The following SMAP1 variants were observed in gnomAD, a reference collection of about 807,000 sequenced individuals.
The protein encoded by SMAP1 is small ArfGAP 1.
Under a neutral mutation model 58.5 loss-of-function variants are expected in SMAP1, and 24 were observed. The observed-to-expected ratio is 0.41, with a 90% confidence interval of 0.30 to 0.58. SMAP1 has a LOEUF of 0.58. Ranked by LOEUF, SMAP1 falls within the 20% of genes least tolerant of loss-of-function variation. SMAP1 has a pLI of 0.29. For missense variants in SMAP1, 563 were observed against 566.3 expected (o/e 0.99, Z 0.06); for synonymous variants, 216 against 196.6 (o/e 1.10, Z -0.82).
intron 5 of SMAP1, among the ~76,000 whole-genome samples, chr6:70,793,264 G>A (rs1010033011): frequency 1.3e-5 from 2 of 151,988 alleles, no homozygotes; most frequent in Non-Finnish European, 2.9e-5. Context: ...CGATCTCTTG[G>A]CCTTGTGATC....
intron 1 of SMAP1, among the ~76,000 whole-genome samples, chr6:70,675,646 A>G (rs1184730795): frequency 2.0e-5 from 3 of 148,624 alleles, no homozygotes; most frequent in Non-Finnish European, 3.0e-5. Context: ...GCGAGACTCC[A>G]TCTCAAAAAA....
chr6:70,716,558 T>G (rs540429801), intron 1 of SMAP1, among the ~76,000 whole-genome samples: 5 of 152,268 alleles, frequency 3.3e-5, no homozygotes, highest in Non-Finnish European at 7.4e-5. Context: ...TTACTCTTTT[T>G]CATTCTTTGT....
chr6:70,849,194 TCTTC>T (rs1261788982), intron 7 of SMAP1, among the ~76,000 whole-genome samples: 1 of 152,110 alleles, frequency 6.6e-6, no homozygotes. Flanking sequence ...TATGAAAAAG[TCTTC>T]CTTAATCAAT....
intron 1 of SMAP1, among the ~76,000 whole-genome samples, chr6:70,723,086 G>A (rs1480223985): frequency 6.6e-6 from 1 of 152,190 alleles, no homozygotes; most frequent in Non-Finnish European, 1.5e-5. Context: ...GGATGTAAAA[G>A]TGGCCCTTTA....
At chr6:70,668,252 C>T in intron 1 of SMAP1, 111 bp downstream of exon 1, 2 of 1,023,056 alleles carry the variant, frequency 2.0e-6, no homozygotes, top group South Asian at 1.6e-5. Context: ...CTGGCCGGCT[C>T]CTGCCCTGAC....
chr6:70,798,482 T>C (rs1382169452), intron 5 of SMAP1, among the ~76,000 whole-genome samples, 175 bp from the exon 6 acceptor site: 2 of 152,066 alleles, frequency 1.3e-5, no homozygotes, highest in Non-Finnish European at 2.9e-5. Context: ...GTCATCAGCA[T>C]ATAACCTCAA....
intron 4 of SMAP1, among the ~76,000 whole-genome samples, chr6:70,791,175 C>T (rs181461320): frequency 7.9e-5 from 12 of 152,178 alleles, no homozygotes; most frequent in African/African-American, 2.9e-4. Flanking sequence ...CTCTTCTTTT[C>T]TCCTAGCTTT....
At chr6:70,729,558 A>T (rs1301896081) in intron 1 of SMAP1, among the ~76,000 whole-genome samples, 2 of 150,258 alleles carry the variant, frequency 1.3e-5, no homozygotes, top group Admixed American at 1.3e-4. Context: ...AGACATTTTC[A>T]TCTTGGTGTA....
At chr6:70,716,673 T>G (rs549066553) in intron 1 of SMAP1, among the ~76,000 whole-genome samples, 9 of 152,232 alleles carry the variant, frequency 5.9e-5, no homozygotes, top group African/African-American at 2.2e-4. Flanking sequence ...CTTTTGACTT[T>G]TTGGTTCAGT....
At chr6:70,803,520 T>A in intron 6 of SMAP1, among the ~76,000 whole-genome samples, 1 of 152,192 alleles carries the variant, frequency 6.6e-6, no homozygotes, top group East Asian at 1.9e-4. Flanking sequence ...TCTTAGTTAT[T>A]TCTTGCCTTC....
chr6:70,795,179 A>C (rs1327753851), intron 5 of SMAP1, among the ~76,000 whole-genome samples: 1 of 152,178 alleles, frequency 6.6e-6, no homozygotes, highest in African/African-American at 2.4e-5. Context: ...AAAGAGTATC[A>C]AGTCATGCTC....
intron 7 of SMAP1, among the ~76,000 whole-genome samples, chr6:70,837,492 T>A (rs1770638924): frequency 6.6e-6 from 1 of 152,170 alleles, no homozygotes; most frequent in Admixed American, 6.5e-5. Flanking sequence ...CCAGATCTAG[T>A]GACTAGATTC....
intron 1 of SMAP1, among the ~76,000 whole-genome samples, chr6:70,696,359 G>C (rs533809924): frequency 1.0e-3 from 152 of 152,072 alleles, no homozygotes; most frequent in Middle Eastern, 3.4e-3. Context: ...GAAGTCTTCT[G>C]CTTTTTTAGT....
intron 1 of SMAP1, among the ~76,000 whole-genome samples, chr6:70,723,266 A>G (rs1201186471): frequency 5.9e-5 from 9 of 152,188 alleles, no homozygotes; most frequent in African/African-American, 1.9e-4. Context: ...AGCTGGGACT[A>G]TAGGCACATG....
chr6:70,853,402 T>C (rs1389560643), intron 8 of SMAP1, among the ~76,000 whole-genome samples: 4 of 152,190 alleles, frequency 2.6e-5, no homozygotes, highest in Admixed American at 6.5e-5. Context: ...AAGTTTATAC[T>C]TTACAAATAA....
chr6:70,684,734 TTA>T (rs1766863346), intron 1 of SMAP1, among the ~76,000 whole-genome samples: 1 of 152,202 alleles, frequency 6.6e-6, no homozygotes, highest in African/African-American at 2.4e-5. Context: ...CTACCCAAGT[TTA>T]TGTGATAAAG....
chr6:70,677,203 A>G (rs1403024627), intron 1 of SMAP1, among the ~76,000 whole-genome samples: 3 of 123,468 alleles, frequency 2.4e-5, no homozygotes, highest in Non-Finnish European at 5.0e-5. Flanking sequence ...TTTTTGCTAT[A>G]TCCTTAGGTC....
chr6:70,844,172 A>T (rs925071228), intron 7 of SMAP1, among the ~76,000 whole-genome samples: 6 of 152,184 alleles, frequency 3.9e-5, no homozygotes, highest in African/African-American at 1.4e-4. Context: ...TGGTTATACA[A>T]TCTGGTTTCA....
chr6:70,713,925 G>T (rs749965575), intron 1 of SMAP1, among the ~76,000 whole-genome samples: 1 of 152,164 alleles, frequency 6.6e-6, no homozygotes, highest in Admixed American at 6.5e-5. Flanking sequence ...GTGCTCTGAT[G>T]TTGGGTGTGT....
Sources: gnomAD v4.1 joint callset for allele counts (sites outside exome capture counted in the v4.1 genomes callset) on GRCh38, gnomAD v4.1.1 for gene constraint, MANE v1.5 for transcripts, NCBI Gene and HGNC (gene_info 2026-07-23, HGNC 2026-07-21) for gene names.